The following SGIP1 variants were observed in gnomAD, a reference collection of about 807,000 sequenced individuals.
SGIP1 encodes the protein SH3-containing GRB2-like protein 3-interacting protein 1.
In SGIP1, 38 loss-of-function variants were observed where a neutral mutation model predicts 107.5. The observed-to-expected ratio is 0.35, with a 90% confidence interval of 0.27 to 0.46. SGIP1 has a LOEUF of 0.46. Among genes scored for constraint, SGIP1 ranks in the 20% least tolerant of loss-of-function variants. The probability of loss-of-function intolerance (pLI) is 1.00; values close to 1 mark genes in which losing one functional copy is unlikely to be tolerated. For synonymous variants in SGIP1, 365 were observed against 366.1 expected (o/e 1.00, Z 0.03); for missense variants, 929 against 1,019.5 (o/e 0.91, Z 1.21).
At chr1:66,702,846 CCTT>C (rs2092093265) in intron 18 of SGIP1, among the ~76,000 whole-genome samples, 2 of 152,142 alleles carry the variant, frequency 1.3e-5, no homozygotes, top group African/African-American at 4.8e-5. Context: ...AAGATTGAAG[CCTT>C]TCACTCCCCA....
intron 24 of SGIP1, 71 bp downstream of exon 24, chr1:66,741,507 T>C (rs1017506687): frequency 7.2e-7 from 1 of 1,395,684 alleles, no homozygotes; most frequent in Non-Finnish European, 9.4e-7. Context: ...AGGAATAGGT[T>C]GTGATTTTCT....
chr1:66,581,529 C>T (rs1036690389), intron 1 of SGIP1, among the ~76,000 whole-genome samples: 12 of 151,830 alleles, frequency 7.9e-5, no homozygotes, highest in Admixed American at 2.0e-4. Flanking sequence ...TTTCCTAATA[C>T]GCTCTGCCAA....
chr1:66,545,550 C>T (rs2056178196), intron 1 of SGIP1, among the ~76,000 whole-genome samples: 1 of 151,350 alleles, frequency 6.6e-6, no homozygotes, highest in Admixed American at 6.6e-5. Context: ...GTAATTTAAA[C>T]ATGTAAGTTT....
chr1:66,625,833 C>T lies in SGIP1; in HGVS notation c.11-14C>T, dbSNP rs745740683. ...TGCTGAGAGAGTTTTTGACCCTTTG[C>T]TGTTTTCCCACAGGATTGAAAAAAC... is the stretch of plus-strand genomic sequence containing the variant. On this transcript the variant is annotated splice_polypyrimidine_tract_variant and intron_variant, in intron 1 of 24. Coordinates refer to ENST00000371037, the MANE Select transcript of SGIP1 (RefSeq NM_032291.4). 161 of 1,610,972 alleles carry T rather than the reference C, an allele frequency of 1.0e-4. No individual in the cohort carries two copies. Among genetic ancestry groups the T allele is most frequent in the Admixed American group, 5.2e-4 (31 of 59,760 alleles).
chr1:66,602,075 C>T (rs543981335), intron 1 of SGIP1, among the ~76,000 whole-genome samples: 2 of 152,330 alleles, frequency 1.3e-5, no homozygotes, highest in South Asian at 4.1e-4. Flanking sequence ...GAGGAGACTT[C>T]ATTAAGCTGA....
chr1:66,651,577 G>T (rs535295689), intron 7 of SGIP1, among the ~76,000 whole-genome samples: 1 of 152,040 alleles, frequency 6.6e-6, no homozygotes, highest in East Asian at 1.9e-4. Flanking sequence ...GAAGGATATC[G>T]ATGGATGCTC....
chr1:66,739,445 G>T lies in SGIP1; in HGVS notation c.2142G>T (p.Met714Ile). 1 of 1,614,190 alleles carries T rather than the reference G, an allele frequency of 6.2e-7. No homozygotes were observed. The highest frequency in any genetic ancestry group is 8.5e-7 in the Non-Finnish European group (1 of 1,180,038). ...ATTACAAATATAATACAGATGCAAT[G>T]ACGACTGCTGTGGCCCTCAACAATG... is the stretch of plus-strand genomic sequence containing the variant. ...RIDYKYNTDA[M>I]TTAVALNNVQ... The change falls in exon 22 of 25, where the codon ATG (methionine) becomes ATT (isoleucine). Residue 714 changes from methionine to isoleucine, a missense_variant. This residue lies in a region of SGIP1 where 341 missense variants were observed against 430.9 expected (regional missense o/e 0.79). Coordinates refer to ENST00000371037, the MANE Select transcript of SGIP1 (RefSeq NM_032291.4).
Position 66,643,506 on chromosome 1 carries a change from G to A in SGIP1, c.284-38G>A, listed in dbSNP as rs765816668. On this transcript the variant is annotated intron_variant, in intron 6 of 24. Coordinates refer to ENST00000371037, the MANE Select transcript of SGIP1 (RefSeq NM_032291.4). Reference sequence around the variant, plus strand: ...CTTGTCTTGGAGTCGTTGCCTCCCAGTAGAAGAAAGAGTTATGTATCTTTA... The same window carrying A: ...CTTGTCTTGGAGTCGTTGCCTCCCAATAGAAGAAAGAGTTATGTATCTTTA... The A allele has an allele frequency of 4.5e-6, 7 of 1,564,708 alleles. No individual in the cohort carries two copies. In the Admixed American group the frequency reaches 1.4e-4, roughly 30 times the overall value.
At chr1:66,589,982 T>C (rs900306094) in intron 1 of SGIP1, among the ~76,000 whole-genome samples, 2 of 152,200 alleles carry the variant, frequency 1.3e-5, no homozygotes, top group Non-Finnish European at 2.9e-5. Flanking sequence ...GTTCCCTGTG[T>C]GTGAGTTGCC....
At chr1:66,688,261 GTTGAT>G in intron 15 of SGIP1, among the ~76,000 whole-genome samples, 1 of 152,288 alleles carries the variant, frequency 6.6e-6, no homozygotes, top group East Asian at 1.9e-4. Context: ...CGGTTTGAAC[GTTGAT>G]TTGACTTTTT....
rs1427055203 is a variant in SGIP1, at chr1:66,643,541, T to C, written c.284-3T>C. On this transcript the variant is annotated splice_region_variant and splice_polypyrimidine_tract_variant and intron_variant, in intron 6 of 24. Coordinates refer to ENST00000371037, the MANE Select transcript of SGIP1 (RefSeq NM_032291.4). ...GAGTTATGTATCTTTAACTGTGTTC[T>C]ACCTACCAAAGGAAAGCACTTTTAT... is the stretch of plus-strand genomic sequence containing the variant. 1 of 1,605,800 alleles carries C rather than the reference T, an allele frequency of 6.2e-7. No homozygotes were observed. Among genetic ancestry groups the C allele is most frequent in the Non-Finnish European group, 8.5e-7 (1 of 1,176,900 alleles).
intron 2 of SGIP1, among the ~76,000 whole-genome samples, chr1:66,628,107 A>G (rs1037558132): frequency 1.3e-5 from 2 of 152,102 alleles, no homozygotes; most frequent in Non-Finnish European, 2.9e-5. Flanking sequence ...ATAGTATTCC[A>G]TGGTGTATAT....
chr1:66,717,541 G>A (rs551788385), intron 18 of SGIP1, among the ~76,000 whole-genome samples: 28 of 152,186 alleles, frequency 1.8e-4, no homozygotes, highest in Middle Eastern at 3.4e-3. Context: ...TTAGAGCTCC[G>A]TGGGCAGAGA....
intron 19 of SGIP1, among the ~76,000 whole-genome samples, chr1:66,726,448 A>G (rs2093762166): frequency 6.6e-6 from 1 of 152,224 alleles, no homozygotes; most frequent in Non-Finnish European, 1.5e-5. Flanking sequence ...AAAGGAACAA[A>G]GTTAGAGGAC....
chr1:66,709,461 C>T (rs1218328498), intron 18 of SGIP1, among the ~76,000 whole-genome samples: 1 of 152,082 alleles, frequency 6.6e-6, no homozygotes, highest in African/African-American at 2.4e-5. Context: ...GTAAACGGTT[C>T]TCTCCTCTCA....
intron 1 of SGIP1, among the ~76,000 whole-genome samples, chr1:66,548,224 AT>A (rs1557846049): frequency 6.6e-6 from 1 of 151,764 alleles, no homozygotes; most frequent in African/African-American, 2.4e-5. Context: ...AGCTTTTTTT[AT>A]TTTTTATTTT....
Position 66,750,702 on chromosome 1 carries a change from G to C in SGIP1, c.*7607G>C, listed in dbSNP as rs1001323151. ...ATACTTTTTTCTGACAGCCATTACT[G>C]CTTAGTCTGTAATGAAAGCTTTACT... On this transcript the variant is annotated 3_prime_UTR_variant, in exon 25 of 25. Transcript: ENST00000371037. Among the ~76,000 whole-genome samples, 1 of 152,118 alleles carries C rather than the reference G, an allele frequency of 6.6e-6. No individual in the cohort carries two copies. Among genetic ancestry groups the C allele is most frequent in the Non-Finnish European group, 1.5e-5 (1 of 68,036 alleles).
At chr1:66,694,248 T>C (rs1018174802) in intron 17 of SGIP1, among the ~76,000 whole-genome samples, 1 of 151,650 alleles carries the variant, frequency 6.6e-6, no homozygotes. Context: ...TAATTTCCTC[T>C]CATAGAATCA....
In SGIP1 at chr1:66,679,187, C is replaced by T. The variant is rs2149954878; in HGVS notation, c.740-491C>T. On this transcript the variant is annotated intron_variant, in intron 13 of 24. Transcript: ENST00000371037. Reference sequence around the variant, plus strand: ...TAATTTTGAGAAATCTTTCCCAACTCAATCTGGACACTAAGATCCTGACTG... The same window carrying T: ...TAATTTTGAGAAATCTTTCCCAACTTAATCTGGACACTAAGATCCTGACTG... Among the ~76,000 whole-genome samples the T allele has an allele frequency of 2.0e-5, 3 of 152,294 alleles. 1 individual carries two copies. The South Asian group carries it at 6.2e-4, about 32-fold the overall frequency.
Sources: allele counts gnomAD v4.1 joint callset (sites outside exome capture counted in the v4.1 genomes callset), GRCh38; gene constraint gnomAD v4.1.1; regional missense constraint gnomAD v4.1.1; transcripts MANE v1.5; gene names NCBI Gene and HGNC (gene_info 2026-07-23, HGNC 2026-07-21).